FAM83G: variants seen among roughly 807,000 people sequenced by gnomAD.
The protein encoded by FAM83G is protein FAM83G.
FAM83G carries 38 observed loss-of-function variants against 61.5 expected under a neutral mutation model. The observed-to-expected ratio is 0.62, with a 90% CI of 0.48 to 0.81. The LOEUF (loss-of-function observed/expected upper bound fraction) is 0.81. Among genes scored for constraint, FAM83G ranks in the 30% least tolerant of loss-of-function variants. The pLI is 0.00. For synonymous variants in FAM83G, 470 were observed against 476.1 expected (o/e 0.99, Z 0.17); for missense variants, 989 against 1,133.6 (o/e 0.87, Z 1.83).
At position 19,003,189 on chromosome 17, in the gene FAM83G, A is replaced by T. The variant is rs928216064; in HGVS notation, c.522+331T>A. On this transcript the variant is annotated intron_variant, in intron 2 of 5. Transcript: ENST00000388995. The surrounding 1 kb of genome is among the most constrained non-coding windows in gnomAD (Gnocchi z 4.5). ...CAGAGCCACTCTAAGGGAGAGTGAG[A>T]GGAAGCCCTGGGGTTCCTCCCCTCC... is the stretch of plus-strand genomic sequence containing the variant. 1.3e-5 allele frequency among the ~76,000 whole-genome samples: 2 copies of T among 150,240 alleles called. No homozygotes were observed. The highest frequency in any genetic ancestry group is 4.9e-5 in the African/African-American group (2 of 40,738).
chr17:18,973,594 C>T (rs574633992), intron 5 of FAM83G, among the ~76,000 whole-genome samples: 2 of 152,228 alleles, frequency 1.3e-5, no homozygotes, highest in Non-Finnish European at 1.5e-5. Context: ...TTTAGGGGCA[C>T]CTAGAGGTCT....
At chr17:19,001,657 G>A (rs1845758127) in intron 2 of FAM83G, among the ~76,000 whole-genome samples, 1 of 152,244 alleles carries the variant, frequency 6.6e-6, no homozygotes. Context: ...TGGGACTTTT[G>A]TGGGAAGCAA....
chr17:18,979,247 C>T lies in FAM83G; in HGVS notation c.815+302G>A, dbSNP rs1340470991. On this transcript the variant is annotated intron_variant, in intron 4 of 5. Coordinates refer to ENST00000388995, the MANE Select transcript of FAM83G (RefSeq NM_001039999.3). ...GCCCCATGTGGTGGTGCCCACAGAGCTGGCCCCATCCCTAAGGACGGCTCT... is the reference window on the plus strand; with the variant it reads ...GCCCCATGTGGTGGTGCCCACAGAGTTGGCCCCATCCCTAAGGACGGCTCT... The T allele has an allele frequency of 1.3e-5, 6 of 479,730 alleles. No individual in the cohort carries two copies. In the Admixed American group the frequency reaches 2.1e-4, roughly 17 times the overall value. 29.7% of individuals were successfully genotyped at this position (479,730 alleles called of 1,614,324 possible). A position where few individuals can be genotyped will look rare whatever the true frequency, so the allele number is the denominator to read the frequency against.
intron 2 of FAM83G, among the ~76,000 whole-genome samples, chr17:18,997,961 G>A (rs1035587334): frequency 2.0e-5 from 3 of 152,208 alleles, no homozygotes; most frequent in Admixed American, 6.5e-5. Context: ...GAGGAGGAAG[G>A]AACAGAAGGT....
At position 18,977,861 on chromosome 17, in the gene FAM83G, C is replaced by G. The variant is rs577449943; in HGVS notation, c.1805G>C (p.Arg602Pro). ...TGAGGGCCGTCGGGGGCCAGGGCCA[C>G]GGCCGGAGCTGCCTGAGTGGCTGTC... ...DQDSHSGSSG[R>P]GPGPRRPSVA... Residue 602 changes from arginine (R) to proline (P), a missense_variant, in exon 5 of 6, where the codon CGT becomes CCT. Coordinates refer to ENST00000388995, the MANE Select transcript of FAM83G (RefSeq NM_001039999.3). 1 of 1,610,922 alleles carries G rather than the reference C, an allele frequency of 6.2e-7. No homozygotes were observed. Among genetic ancestry groups the G allele is most frequent in the Non-Finnish European group, 8.5e-7 (1 of 1,179,660 alleles).
Position 18,970,807 on chromosome 17 carries a change from A to G in FAM83G, c.*552T>C, listed in dbSNP as rs2042822564. On this transcript the variant is annotated 3_prime_UTR_variant, in exon 6 of 6. Coordinates refer to ENST00000388995, the MANE Select transcript of FAM83G (RefSeq NM_001039999.3). ...CTTACTTAATAGTATTATTTTAAAT[A>G]CGAATAAAATAGTCATTCAAATACA... is the stretch of plus-strand genomic sequence containing the variant. 2 of 586,626 alleles carry G rather than the reference A, an allele frequency of 3.4e-6. No individual in the cohort carries two copies. Among genetic ancestry groups the G allele is most frequent in the Non-Finnish European group, 6.1e-6 (2 of 329,644 alleles). The allele number at this position is 586,626 out of a possible 1,614,324, so 36.3% of individuals were successfully genotyped here.
chr17:18,982,649 C>T (rs1816094643), intron 3 of FAM83G, among the ~76,000 whole-genome samples: 1 of 152,176 alleles, frequency 6.6e-6, no homozygotes, highest in Non-Finnish European at 1.5e-5. Flanking sequence ...GTGGGGGCTC[C>T]AGGGCTGGGG....
chr17:18,982,744 C>G (rs1160002631), intron 3 of FAM83G, among the ~76,000 whole-genome samples: 1 of 152,216 alleles, frequency 6.6e-6, no homozygotes, highest in Admixed American at 6.5e-5. Flanking sequence ...GTGCCAAGCC[C>G]GCTGGTGCGA....
upstream of FAM83G, among the ~76,000 whole-genome samples, chr17:19,005,182 G>T (rs1341766066): frequency 1.3e-5 from 2 of 152,206 alleles, no homozygotes; most frequent in Non-Finnish European, 2.9e-5. Flanking sequence ...GAGCCCCCAG[G>T]CAGGGATAGG....
At position 18,968,961 on chromosome 17, in the gene FAM83G, C is replaced by A; in HGVS notation, c.*2398G>T. 1 of 1,284,512 alleles carries A rather than the reference C, an allele frequency of 7.8e-7. No individual in the cohort carries two copies. Among genetic ancestry groups the A allele is most frequent in the Non-Finnish European group, 1.1e-6 (1 of 935,190 alleles). The allele number at this position is 1,284,512 out of a possible 1,614,324, so 79.6% of individuals were successfully genotyped here. On this transcript the variant is annotated 3_prime_UTR_variant, in exon 6 of 6. Coordinates refer to ENST00000388995, the MANE Select transcript of FAM83G (RefSeq NM_001039999.3). The surrounding 1 kb of genome is among the most constrained non-coding windows in gnomAD (Gnocchi z 4.1). Reference sequence around the variant, plus strand: ...CCTCCTTATCCACAGGCCACCGAGGCCCAGAGAGGGCCTTGCCCGAGGTCA... The same window carrying A: ...CCTCCTTATCCACAGGCCACCGAGGACCAGAGAGGGCCTTGCCCGAGGTCA...
intron 2 of FAM83G, among the ~76,000 whole-genome samples, chr17:18,992,804 G>A (rs538203786): frequency 8.5e-5 from 13 of 152,250 alleles, no homozygotes; most frequent in South Asian, 2.1e-4. Context: ...GCCTGGTGCC[G>A]GGCAGGGCCT....
intron 5 of FAM83G, among the ~76,000 whole-genome samples, chr17:18,973,629 G>C (rs2042908423): frequency 6.6e-6 from 1 of 152,298 alleles, no homozygotes; most frequent in South Asian, 2.1e-4. Context: ...CTGTGGCCAG[G>C]GTAGCCCTCA....
rs879922162 is a variant in FAM83G at position 19,000,063 on chromosome 17, G to A, written c.522+3457C>T. On this transcript the variant is annotated intron_variant, in intron 2 of 5. Coordinates refer to ENST00000388995, the MANE Select transcript of FAM83G (RefSeq NM_001039999.3). This position sits in a 1 kb window ranked among gnomAD's most constrained non-coding sequence, Gnocchi z 5.2. Reference sequence around the variant, plus strand: ...CCTTCTCAGGCTGCAGCCAAGTGAGGCCGGGGCTCGCCCCTCCCAGGCGTG... The same window carrying A: ...CCTTCTCAGGCTGCAGCCAAGTGAGACCGGGGCTCGCCCCTCCCAGGCGTG... 1.2e-4 allele frequency among the ~76,000 whole-genome samples: 19 copies of A among 152,234 alleles called. No homozygotes were observed. Among genetic ancestry groups the A allele is most frequent in the Admixed American group, 1.2e-3 (19 of 15,288 alleles).
At chr17:18,995,507 T>C (rs1376883707) in intron 2 of FAM83G, among the ~76,000 whole-genome samples, 1 of 152,104 alleles carries the variant, frequency 6.6e-6, no homozygotes, top group Admixed American at 6.5e-5. Flanking sequence ...ATCCAATATA[T>C]GTGTAATTGC....
chr17:18,981,058 A>G (rs1303188779), intron 3 of FAM83G, among the ~76,000 whole-genome samples: 1 of 152,136 alleles, frequency 6.6e-6, no homozygotes, highest in Non-Finnish European at 1.5e-5. Flanking sequence ...TCATTCACAT[A>G]GTCATCAACC....
chr17:19,004,027 C>A lies in FAM83G; in HGVS notation c.15G>T (p.Gln5His). 6.3e-7 allele frequency: 1 copy of A among 1,597,648 alleles called. No homozygotes were observed. The highest frequency in any genetic ancestry group is 1.7e-5 in the Admixed American group (1 of 58,648). Residue 5 changes from glutamine to histidine, a missense_variant, in exon 2 of 6, where the codon CAG becomes CAT. By Grantham distance (24) the Gln-to-His change is conservative. Coordinates refer to ENST00000388995, the MANE Select transcript of FAM83G (RefSeq NM_001039999.3). The surrounding 1 kb of genome is among the most constrained non-coding windows in gnomAD (Gnocchi z 5.4). MAFS[Q>H]VQCLDDNHVN... Reference sequence around the variant, plus strand: ...CATGGTTGTCGTCCAGACACTGCACCTGAGAGAAGGCCATGGCGCCGCCTG... The same window carrying A: ...CATGGTTGTCGTCCAGACACTGCACATGAGAGAAGGCCATGGCGCCGCCTG...
At chr17:18,986,192 C>A (rs1433926455) in intron 3 of FAM83G, 3 of 152,298 alleles carry the variant, frequency 2.0e-5, no homozygotes, top group East Asian at 3.9e-4. Flanking sequence ...ACTTCCCCTG[C>A]CCATAGTGGG....
At chr17:18,980,553 C>G (rs1437247779) in intron 3 of FAM83G, among the ~76,000 whole-genome samples, 4 of 152,146 alleles carry the variant, frequency 2.6e-5, no homozygotes, top group Admixed American at 2.6e-4. Flanking sequence ...GTCTCTGGAG[C>G]TGCCAAGGGC....
chr17:18,974,837 A>G (rs1421996551), intron 5 of FAM83G, among the ~76,000 whole-genome samples: 1 of 152,120 alleles, frequency 6.6e-6, no homozygotes, highest in African/African-American at 2.4e-5. Flanking sequence ...TTCCTCAGGG[A>G]AGAGCGCCTG....
Sources: allele counts gnomAD v4.1 joint callset (sites outside exome capture counted in the v4.1 genomes callset), GRCh38; gene constraint gnomAD v4.1.1; non-coding constraint Gnocchi (gnomAD v3.1); transcripts MANE v1.5; gene names NCBI Gene and HGNC (gene_info 2026-07-23, HGNC 2026-07-21).